The following SLC49A3 variants were observed in gnomAD, a reference collection of about 807,000 sequenced individuals.
SLC49A3 encodes solute carrier family 49 member 3, also known as solute carrier family 49 member A3.
SLC49A3 carries 50 observed loss-of-function variants against 43.8 expected under a neutral mutation model. That is an observed-to-expected ratio of 1.14 (90% confidence interval 0.91 to 1.45). The LOEUF (loss-of-function observed/expected upper bound fraction) is 1.45. Ranked by LOEUF, SLC49A3 falls within the 40% of genes most tolerant of loss-of-function variation. The pLI is 0.00. For synonymous variants in SLC49A3, 413 were observed against 352.0 expected (o/e 1.17, Z -1.94); for missense variants, 906 against 774.1 (o/e 1.17, Z -2.02).
rs932377374 is a variant in SLC49A3 at position 682,167 on chromosome 4, A to T, written c.1471T>A (p.Cys491Ser). ...VLGPSTATPE[C>S]TARGASLEDP... ...TCTAGCGAGGCCCCCCTCGCCGTGC[A>T]CTCCGGAGTCGCCGTGCTGGGCCCC... The change falls in exon 10 of 10, where the codon TGC becomes AGC. Residue 491 changes from cysteine (C) to serine (S), a missense_variant. Physicochemically the swap from Cys to Ser is moderately radical, Grantham distance 112. Transcript: ENST00000322224. The T allele has an allele frequency of 1.5e-6, 2 of 1,344,860 alleles. No individual in the cohort carries two copies. The highest frequency in any genetic ancestry group is 1.9e-6 in the Non-Finnish European group (2 of 1,036,658). The allele number at this position is 1,344,860 out of a possible 1,614,324, so 83.3% of individuals were successfully genotyped here.
Position 682,318 on chromosome 4 carries a change from G to C in SLC49A3, c.1320C>G (p.Phe440Leu), listed in dbSNP as rs746249505. ...CTFFSCILAV[F>L]FHTPYRRLQA... ...GCAGGCGCCGGTATGGGGTGTGGAA[G>C]AAGACCGCCAGGATGCAGCTGAAGA... is the stretch of plus-strand genomic sequence containing the variant. The change falls in exon 10 of 10, where the codon TTC (phenylalanine) becomes TTG (leucine). Residue 440 changes from phenylalanine to leucine, a missense_variant. Phe to Leu is a conservative substitution (Grantham distance 22). Coordinates refer to ENST00000322224, the MANE Select transcript of SLC49A3 (RefSeq NM_032219.4). The C allele has an allele frequency of 7.4e-7, 1 of 1,350,382 alleles. No homozygotes were observed. Among genetic ancestry groups the C allele is most frequent in the Admixed American group, 3.0e-5 (1 of 33,178 alleles). The allele number at this position is 1,350,382 out of a possible 1,614,324, so 83.6% of individuals were successfully genotyped here. A position where few individuals can be genotyped will look rare whatever the true frequency, so the allele number is the denominator to read the frequency against.
chr4:682,782 T>C lies in SLC49A3; in HGVS notation c.1260A>G (p.Thr420=). Residue 420 remains threonine, a splice_region_variant and synonymous_variant, in exon 9 of 10, where the codon ACA becomes ACG. Transcript: ENST00000322224. ...CQQGEDPLDW[T]VSLLLMAGLC... ...GGGGACTCCCCATGTGAGGCTCACC[T>C]GTCCAGTCAAGTGGATCCTCCCCCT... 6.3e-7 allele frequency: 1 copy of C among 1,576,360 alleles called. No homozygotes were observed. Among genetic ancestry groups the C allele is most frequent in the Non-Finnish European group, 8.6e-7 (1 of 1,156,578 alleles).
downstream of SLC49A3, among the ~76,000 whole-genome samples, chr4:679,646 G>C (rs1739242628): frequency 6.6e-6 from 1 of 152,196 alleles, no homozygotes; most frequent in Non-Finnish European, 1.5e-5. Flanking sequence ...CTTATGCCCA[G>C]AATTAAGAAC....
In SLC49A3 at chr4:684,730, C is replaced by G. The variant is rs1226983683; in HGVS notation, c.712G>C (p.Gly238Arg). ...CCCACGGCACTGACCAGCTTGAGCC[C>G]ATCCAGGAACTTCTCTGAGGTGGAG... Reference protein sequence around the residue: ...ASSTSEKFLDGLKLLMWNKAY... With the variant: ...ASSTSEKFLDRLKLLMWNKAY... Residue 238 changes from glycine (G) to arginine (R), a missense_variant, in exon 5 of 10, where the codon GGG becomes CGG. Physicochemically the swap from Gly to Arg is moderately radical, Grantham distance 125 (BLOSUM62 -2). Transcript: ENST00000322224. 3 of 1,611,176 alleles carry G rather than the reference C, an allele frequency of 1.9e-6. No individual in the cohort carries two copies. The highest frequency in any genetic ancestry group is 2.5e-6 in the Non-Finnish European group (3 of 1,179,430).
chr4:683,113 G>A (rs1029255115), intron 8 of SLC49A3, 97 bp downstream of exon 8: 16 of 1,507,972 alleles, frequency 1.1e-5, no homozygotes, highest in East Asian at 6.9e-5. Context: ...CCACCTCCCC[G>A]AAAAGGGGCC....
At chr4:681,239 C>A, downstream of SLC49A3, 2 of 1,425,562 alleles carry the variant, frequency 1.4e-6, no homozygotes, top group Non-Finnish European at 1.9e-6. Flanking sequence ...AGCAGCGCCG[C>A]GGTTAGGACC....
chr4:689,907 C>G (rs1315178310), upstream of SLC49A3, among the ~76,000 whole-genome samples: 1 of 152,232 alleles, frequency 6.6e-6, no homozygotes, highest in Non-Finnish European at 1.5e-5. Flanking sequence ...CTGGCCCACC[C>G]TGGGGGAACC....
chr4:680,593 TGCCCGGGCG>T (rs1739367361), downstream of SLC49A3: 2 of 1,611,788 alleles, frequency 1.2e-6, no homozygotes, highest in Non-Finnish European at 1.7e-6. Flanking sequence ...GAGTAGTGAG[TGCCCGGGCG>T]GCCAGGGCGG....
chr4:678,065 G>C, downstream of SLC49A3: 1 of 1,611,668 alleles, frequency 6.2e-7, no homozygotes, highest in Non-Finnish European at 8.5e-7. Context: ...GGGCAGGCGT[G>C]TGGGTGTGAG....
chr4:685,738 G>A lies in SLC49A3; in HGVS notation c.585+97C>T, dbSNP rs76139036. 169 of 1,327,032 alleles carry A rather than the reference G, an allele frequency of 1.3e-4. No homozygotes were observed. The East Asian group carries it at 3.7e-3, about 29-fold the overall frequency. 82.2% of individuals were successfully genotyped at this position (1,327,032 alleles called of 1,614,324 possible). ...GGGGCGGGGGACGGGAATCACACAC[G>A]GGCACAGGAACACGGACACACTTGG... is the stretch of plus-strand genomic sequence containing the variant. On this transcript the variant is annotated intron_variant, in intron 4 of 9. Transcript: ENST00000322224. The surrounding 1 kb of genome is among the most constrained non-coding windows in gnomAD (Gnocchi z 4.3).
At position 682,121 on chromosome 4, in the gene SLC49A3, C is replaced by T. The variant is rs781497650; in HGVS notation, c.1517G>A (p.Ser506Asn). 5 of 1,352,036 alleles carry T rather than the reference C, an allele frequency of 3.7e-6. No homozygotes were observed. Among genetic ancestry groups the T allele is most frequent in the Non-Finnish European group, 4.8e-6 (5 of 1,040,452 alleles). 83.8% of individuals were successfully genotyped at this position (1,352,036 alleles called of 1,614,324 possible). The change falls in exon 10 of 10, where the codon AGC becomes AAC. Residue 506 changes from serine (S) to asparagine (N), a missense_variant. Physicochemically the swap from Ser to Asn is conservative, Grantham distance 46 (BLOSUM62 1). Coordinates refer to ENST00000322224, the MANE Select transcript of SLC49A3 (RefSeq NM_032219.4). ...ASLEDPRGPG[S>N]PHPACHRATP... ...CGCTCGGTGGCAGGCTGGGTGGGGG[C>T]TCCCGGGCCCTCTGGGGTCCTCTAG...
rs1242102971 is a variant in SLC49A3 at position 685,744 on chromosome 4, A to G, written c.585+91T>C. The G allele has an allele frequency of 4.3e-6, 6 of 1,383,474 alleles. No homozygotes were observed. The highest frequency in any genetic ancestry group is 1.8e-4 in the Middle Eastern group (1 of 5,622). 85.7% of individuals were successfully genotyped at this position (1,383,474 alleles called of 1,614,324 possible). A position where few individuals can be genotyped will look rare whatever the true frequency, so the allele number is the denominator to read the frequency against. ...GGGGACGGGAATCACACACGGGCAC[A>G]GGAACACGGACACACTTGGGATCAG... On this transcript the variant is annotated intron_variant, in intron 4 of 9. Coordinates refer to ENST00000322224, the MANE Select transcript of SLC49A3 (RefSeq NM_032219.4). This position sits in a 1 kb window ranked among gnomAD's most constrained non-coding sequence, Gnocchi z 4.3.
downstream of SLC49A3, chr4:679,154 A>G (rs1465603226): frequency 2.4e-5 from 16 of 670,610 alleles, no homozygotes; most frequent in Admixed American, 6.1e-5. Flanking sequence ...GAGGCCCACC[A>G]ACGGCCCTGA....
At chr4:687,555 A>G (rs1256785246) in intron 1 of SLC49A3, among the ~76,000 whole-genome samples, 1 of 152,124 alleles carries the variant, frequency 6.6e-6, no homozygotes, top group Admixed American at 6.5e-5. Context: ...CACCCTGCGG[A>G]GCCGAGCCCG....
At position 682,187 on chromosome 4, in the gene SLC49A3, G is replaced by A. The variant is rs756315376; in HGVS notation, c.1451C>T (p.Pro484Leu). The A allele has an allele frequency of 2.4e-4, 333 of 1,362,656 alleles. 1 individual carries two copies. Among genetic ancestry groups the A allele is most frequent in the Non-Finnish European group, 2.2e-4 (231 of 1,046,256 alleles). 84.4% of individuals were successfully genotyped at this position (1,362,656 alleles called of 1,614,324 possible). Reference protein sequence around the residue: ...GGAGRAGVLGPSTATPECTAR... With the variant: ...GGAGRAGVLGLSTATPECTAR... Reference sequence around the variant, plus strand: ...CGTGCACTCCGGAGTCGCCGTGCTGGGCCCCAGGACCCCAGCCCTTCCTGC... The same window carrying A: ...CGTGCACTCCGGAGTCGCCGTGCTGAGCCCCAGGACCCCAGCCCTTCCTGC... The change falls in exon 10 of 10, where the codon CCC becomes CTC. Residue 484 changes from proline (P) to leucine (L), a missense_variant. Physicochemically the swap from Pro to Leu is moderately conservative, Grantham distance 98. Transcript: ENST00000322224.
downstream of SLC49A3, chr4:680,604 C>G (rs760006765): frequency 6.2e-7 from 1 of 1,610,038 alleles, no homozygotes; most frequent in Non-Finnish European, 8.5e-7. Flanking sequence ...GCCCGGGCGG[C>G]CAGGGCGGCC....
At chr4:677,966 A>G, downstream of SLC49A3, 3 of 1,613,032 alleles carry the variant, frequency 1.9e-6, no homozygotes, top group East Asian at 2.2e-5. Flanking sequence ...ACCAAGCAGG[A>G]GCTTAAGATG....
chr4:683,170 A>T, intron 8 of SLC49A3, 40 bp downstream of exon 8: 1 of 1,611,006 alleles, frequency 6.2e-7, no homozygotes, highest in Non-Finnish European at 8.5e-7. Flanking sequence ...GAGCAAGGGG[A>T]GTATCTCTGG....
upstream of SLC49A3, chr4:689,288 C>T (rs548798380): frequency 0.012 from 4,723 of 393,976 alleles, 48 homozygotes; most frequent in Non-Finnish European, 0.016. Context: ...GGGTCCCGCC[C>T]CGTCCCAGTT....
Sources: allele counts gnomAD v4.1 joint callset (sites outside exome capture counted in the v4.1 genomes callset), GRCh38; gene constraint gnomAD v4.1.1; non-coding constraint Gnocchi (gnomAD v3.1); transcripts MANE v1.5; gene names NCBI Gene and HGNC (gene_info 2026-07-23, HGNC 2026-07-21).